The following PCDH15 variants were observed in gnomAD, a reference collection of about 807,000 sequenced individuals.
PCDH15 encodes protocadherin-15.
In PCDH15, 129 loss-of-function variants were observed where a neutral mutation model predicts 178.5. That is an observed-to-expected ratio of 0.72 (90% CI 0.63 to 0.84). The LOEUF is 0.84. PCDH15 is among the 40% of genes least tolerant of loss of function. The pLI is 0.00. For missense variants in PCDH15, 2,230 were observed against 2,099.9 expected (o/e 1.06, Z -1.21); for synonymous variants, 800 against 732.0 (o/e 1.09, Z -1.50).
intron 3 of PCDH15, among the ~76,000 whole-genome samples, chr10:54,458,941 T>C (rs1231690994): frequency 1.3e-5 from 2 of 152,132 alleles, no homozygotes; most frequent in African/African-American, 2.4e-5. Flanking sequence ...CATCCTTCCA[T>C]TGTAACATTG....
chr10:54,848,471 A>G (rs1341745229), intron 3 of PCDH15, among the ~76,000 whole-genome samples: 1 of 151,730 alleles, frequency 6.6e-6, no homozygotes, highest in Admixed American at 6.6e-5. Context: ...AGACTTGAGC[A>G]TGCTAACATG....
intron 1 of PCDH15, among the ~76,000 whole-genome samples, chr10:55,219,933 G>C (rs971693121): frequency 1.3e-5 from 2 of 150,526 alleles, no homozygotes; most frequent in Non-Finnish European, 3.0e-5. Flanking sequence ...TAACATGTTA[G>C]GTCATCAATA....
At chr10:54,170,061 A>G (rs2046718193) in intron 13 of PCDH15, among the ~76,000 whole-genome samples, 1 of 141,686 alleles carries the variant, frequency 7.1e-6, no homozygotes, top group Non-Finnish European at 1.5e-5. Flanking sequence ...CTTCGCTTTC[A>G]CTTGGACTGA....
chr10:54,482,471 AGTAG>A (rs1222402028), intron 3 of PCDH15, among the ~76,000 whole-genome samples: 1 of 151,812 alleles, frequency 6.6e-6, no homozygotes, highest in African/African-American at 2.4e-5. Flanking sequence ...CTTTATTATG[AGTAG>A]GTAAGTAGAG....
intron 2 of PCDH15, among the ~76,000 whole-genome samples, chr10:54,581,125 A>G (rs2091000556): frequency 6.6e-6 from 1 of 152,056 alleles, no homozygotes; most frequent in South Asian, 2.1e-4. Flanking sequence ...GTAATAAAAG[A>G]CATCCAGATA....
chr10:53,938,228 C>T lies in PCDH15; in HGVS notation c.3373+587G>A, dbSNP rs114302277. Among the ~76,000 whole-genome samples the T allele has an allele frequency of 2.5e-3, 376 of 151,796 alleles. 2 individuals carry two copies. The highest frequency in any genetic ancestry group is 7.5e-3 in the African/African-American group (310 of 41,388). ...ACAGAACGTGGGCTTAAATCTGTGA[C>T]GCTTTGTTTACTGTCATTTAAAAAA... On this transcript the variant is annotated intron_variant, in intron 25 of 37. Transcript: ENST00000644397.
chr10:54,084,431 C>G (rs2094485571), intron 16 of PCDH15, among the ~76,000 whole-genome samples: 1 of 151,446 alleles, frequency 6.6e-6, no homozygotes, highest in Non-Finnish European at 1.5e-5. Context: ...CGAGACCATA[C>G]CACAGCTCTC....
chr10:55,043,111 T>G (rs1221296889), intron 2 of PCDH15, among the ~76,000 whole-genome samples: 1 of 152,138 alleles, frequency 6.6e-6, no homozygotes, highest in African/African-American at 2.4e-5. Flanking sequence ...TTAGAACCTT[T>G]GTTTTCTTTT....
chr10:53,888,322 G>A lies in PCDH15; in HGVS notation c.3501+14921C>T, dbSNP rs796213536. On this transcript the variant is annotated intron_variant, in intron 26 of 37. Transcript: ENST00000644397. ...TATATATATATATGTATATATGTAC[G>A]TATATATATGTACGTATATATATAT... 3.6e-3 allele frequency among the ~76,000 whole-genome samples: 121 copies of A among 34,048 alleles called. 3 individuals are homozygous for A. The highest frequency in any genetic ancestry group is 0.014 in the African/African-American group (111 of 7,810). 22.3% of individuals were successfully genotyped at this position (34,048 alleles called of 152,430 possible).
intron 20 of PCDH15, among the ~76,000 whole-genome samples, chr10:54,012,613 A>C (rs2092623949): frequency 6.6e-6 from 1 of 152,208 alleles, no homozygotes; most frequent in Admixed American, 6.5e-5. Context: ...GAAACCCTAT[A>C]AGCCAGAAGA....
At chr10:54,044,598 T>G (rs2093621221) in intron 18 of PCDH15, among the ~76,000 whole-genome samples, 2 of 151,960 alleles carry the variant, frequency 1.3e-5, no homozygotes, top group South Asian at 4.2e-4. Flanking sequence ...GTGGAAATAC[T>G]CCAATATCAG....
intron 2 of PCDH15, among the ~76,000 whole-genome samples, chr10:55,566,371 A>G (rs1842302224): frequency 6.6e-6 from 1 of 151,740 alleles, no homozygotes. Flanking sequence ...TCAATCGTGA[A>G]AAACTTAAGA....
intron 26 of PCDH15, among the ~76,000 whole-genome samples, chr10:53,899,141 T>TC (rs1554850725): frequency 1.5e-5 from 1 of 65,450 alleles, no homozygotes; most frequent in Admixed American, 2.0e-4. Flanking sequence ...TTACTTTTTT[T>TC]CGGGGGGGGG....
chr10:53,821,255 A>G (rs1217031136), intron 32 of PCDH15: 3 of 984,728 alleles, frequency 3.0e-6, no homozygotes, highest in Non-Finnish European at 3.6e-6. Context: ...AAAGCAAGTC[A>G]GAGTAAAAGA....
chr10:55,237,305 G>T (rs148051174), intron 1 of PCDH15, among the ~76,000 whole-genome samples: 2 of 152,150 alleles, frequency 1.3e-5, no homozygotes, highest in Admixed American at 6.5e-5. Flanking sequence ...TTAAAGACAG[G>T]TTATGAGCTA....
intron 2 of PCDH15, among the ~76,000 whole-genome samples, chr10:54,635,979 CA>C (rs144844823): frequency 6.7e-6 from 1 of 150,152 alleles, no homozygotes; most frequent in Non-Finnish European, 1.5e-5. Context: ...TAACCTCTCT[CA>C]AAAAAAAATT....
chr10:54,536,997 C>CTTTTTTTTTTTTT (rs747880795), intron 2 of PCDH15, among the ~76,000 whole-genome samples: 2 of 92,118 alleles, frequency 2.2e-5, no homozygotes, highest in African/African-American at 8.2e-5. Context: ...AATTTGTTTC[C>CTTTTTTTTTTTTT]TTTTTTTTTT....
At chr10:53,994,534 A>T (rs550001267) in intron 21 of PCDH15, 1 of 152,298 alleles carries the variant, frequency 6.6e-6, no homozygotes, top group South Asian at 2.1e-4. Flanking sequence ...ATTTCAAAGT[A>T]ATTGTACATG....
intron 1 of PCDH15, among the ~76,000 whole-genome samples, chr10:55,289,814 C>T (rs1444283867): frequency 6.6e-6 from 1 of 152,048 alleles, no homozygotes; most frequent in African/African-American, 2.4e-5. Flanking sequence ...CAGGGTGGAG[C>T]TCTTGTGAAT....
Sources: gnomAD v4.1 joint callset for allele counts (sites outside exome capture counted in the v4.1 genomes callset) on GRCh38, gnomAD v4.1.1 for gene constraint, MANE v1.5 for transcripts, NCBI Gene and HGNC (gene_info 2026-07-23, HGNC 2026-07-21) for gene names.